Variants in MYO5B observed in about 807,000 individuals in gnomAD.
The protein encoded by MYO5B is unconventional myosin-Vb.
In MYO5B, 143 loss-of-function variants were observed where a neutral mutation model predicts 229.3. That is an observed-to-expected ratio of 0.62 (90% CI 0.54 to 0.72). The LOEUF (loss-of-function observed/expected upper bound fraction) is 0.72. Among genes scored for constraint, MYO5B ranks in the 30% least tolerant of loss-of-function variants. MYO5B has a pLI of 0.00. For missense variants in MYO5B, 2,321 were observed against 2,331.0 expected, an observed-to-expected ratio of 1.00 and a Z score of 0.09; for synonymous variants, 918 against 885.2, an observed-to-expected ratio of 1.04 and a Z score of -0.66.
chr18:49,945,779 A>G (rs1174647244), intron 14 of MYO5B, among the ~76,000 whole-genome samples: 1 of 136,244 alleles, frequency 7.3e-6, no homozygotes, highest in African/African-American at 3.0e-5. Context: ...AGGAGAGGAG[A>G]GCTGGGCCTG....
chr18:50,127,817 G>A (rs1017826612), intron 1 of MYO5B, among the ~76,000 whole-genome samples: 7 of 152,204 alleles, frequency 4.6e-5, no homozygotes, highest in Non-Finnish European at 8.8e-5. Flanking sequence ...GAGTAAAGCA[G>A]GTTGCCCTCC....
intron 1 of MYO5B, among the ~76,000 whole-genome samples, chr18:50,181,709 T>C (rs1421263319): frequency 6.6e-6 from 1 of 152,196 alleles, no homozygotes; most frequent in Non-Finnish European, 1.5e-5. Flanking sequence ...ATGCTGGTCA[T>C]AAAAATCCAT....
chr18:50,154,018 T>G (rs1161796868), intron 1 of MYO5B, among the ~76,000 whole-genome samples: 1 of 152,138 alleles, frequency 6.6e-6, no homozygotes, highest in Admixed American at 6.5e-5. Context: ...CCATTAGACT[T>G]CCTGGGCTCT....
Position 49,869,846 on chromosome 18 carries a change from C to T in MYO5B, c.3603+2321G>A, listed in dbSNP as rs183277617. 5.9e-5 allele frequency among the ~76,000 whole-genome samples: 9 copies of T among 152,218 alleles called. No individual in the cohort carries two copies. In the East Asian group the frequency reaches 1.7e-3, roughly 29 times the overall value. On this transcript the variant is annotated intron_variant, in intron 27 of 39. Coordinates refer to ENST00000285039, the MANE Select transcript of MYO5B (RefSeq NM_001080467.3). ...TGGGGTACCTGAGAATCTACATTTC[C>T]AGCAAGCTCAGTGATGCTGATGCCA...
chr18:50,104,519 G>T (rs912319196), intron 1 of MYO5B, among the ~76,000 whole-genome samples: 3 of 140,886 alleles, frequency 2.1e-5, no homozygotes, highest in African/African-American at 5.7e-5. Context: ...TCATACAATT[G>T]TTCACTGTCA....
chr18:50,133,639 A>G (rs1029414663), intron 1 of MYO5B, among the ~76,000 whole-genome samples: 1 of 152,148 alleles, frequency 6.6e-6, no homozygotes, highest in Non-Finnish European at 1.5e-5. Flanking sequence ...CTGTCCTGGT[A>G]TATTACACTC....
intron 10 of MYO5B, among the ~76,000 whole-genome samples, chr18:49,972,838 C>G (rs1477871068): frequency 1.3e-5 from 2 of 152,010 alleles, no homozygotes; most frequent in Non-Finnish European, 2.9e-5. Flanking sequence ...TGGGGTCATG[C>G]AACTGAAGGC....
At chr18:50,115,656 T>C (rs2031949146) in intron 1 of MYO5B, among the ~76,000 whole-genome samples, 1 of 152,020 alleles carries the variant, frequency 6.6e-6, no homozygotes, top group African/African-American at 2.4e-5. Flanking sequence ...GGGAGTCTAA[T>C]GATTAGTATG....
chr18:49,832,611 A>G (rs1042814515), intron 39 of MYO5B, among the ~76,000 whole-genome samples: 3 of 152,246 alleles, frequency 2.0e-5, no homozygotes, highest in Admixed American at 2.0e-4. Flanking sequence ...TGGCACTGTA[A>G]GATGGCTCTA....
intron 4 of MYO5B, among the ~76,000 whole-genome samples, chr18:50,035,329 C>A (rs574892704): frequency 1.7e-4 from 26 of 152,338 alleles, no homozygotes; most frequent in African/African-American, 6.3e-4. Context: ...AGAGCGCTGT[C>A]AGAGCTGTTG....
chr18:50,038,795 C>T (rs970805760), intron 3 of MYO5B, among the ~76,000 whole-genome samples: 8 of 152,162 alleles, frequency 5.3e-5, no homozygotes, highest in African/African-American at 1.9e-4. Flanking sequence ...ACCTGATGGT[C>T]ACTTATCTTT....
chr18:49,921,367 G>A (rs1022094104), intron 17 of MYO5B, among the ~76,000 whole-genome samples: 2 of 150,546 alleles, frequency 1.3e-5, no homozygotes, highest in Admixed American at 6.7e-5. Context: ...AGGACACAAA[G>A]CTGCTGACTC....
At chr18:50,122,602 G>A in intron 1 of MYO5B, among the ~76,000 whole-genome samples, 1 of 90,860 alleles carries the variant, frequency 1.1e-5, no homozygotes, top group Non-Finnish European at 2.3e-5. Flanking sequence ...GGGGGAGAGA[G>A]AGAGAAAGAG....
At chr18:49,849,752 CG>C (rs2024175961) in intron 31 of MYO5B, 92 bp from the exon 32 acceptor site, 2 of 985,162 alleles carry the variant, frequency 2.0e-6, no homozygotes, top group Non-Finnish European at 3.2e-6. Context: ...GTGACCAGTG[CG>C]GCCCATGGGC....
Position 50,048,529 on chromosome 18 carries a change from T to C in MYO5B, c.138+6739A>G, listed in dbSNP as rs549725185. ...AAGAGAAGGGCACAGCAAACTCCTG[T>C]GGGTTCGTCTCTCCTTCCACCTGAA... On this transcript the variant is annotated intron_variant, in intron 2 of 39. Transcript: ENST00000285039. Among the ~76,000 whole-genome samples the C allele has an allele frequency of 4.6e-5, 7 of 152,284 alleles. No homozygotes were observed. In the South Asian group the frequency reaches 1.5e-3, roughly 32 times the overall value.
chr18:50,136,208 T>A (rs1234514411), intron 1 of MYO5B, among the ~76,000 whole-genome samples: 3 of 152,218 alleles, frequency 2.0e-5, no homozygotes, highest in Non-Finnish European at 4.4e-5. Flanking sequence ...CAGTATGTAC[T>A]TAGAGAAGCC....
intron 4 of MYO5B, among the ~76,000 whole-genome samples, chr18:50,012,599 C>T (rs1405533469): frequency 6.6e-6 from 1 of 152,188 alleles, no homozygotes; most frequent in Non-Finnish European, 1.5e-5. Flanking sequence ...GATTCAGGTG[C>T]AAATCCTGTT....
chr18:49,894,917 C>T (rs1305458291), intron 22 of MYO5B, 24 bp downstream of exon 22: 7 of 1,603,678 alleles, frequency 4.4e-6, no homozygotes, highest in Non-Finnish European at 6.0e-6. Context: ...CTTGCCAGCG[C>T]CTGCCCCTCT....
intron 1 of MYO5B, among the ~76,000 whole-genome samples, chr18:50,060,126 T>C (rs2030652441): frequency 6.6e-6 from 1 of 152,196 alleles, no homozygotes; most frequent in South Asian, 2.1e-4. Flanking sequence ...CTGAATGTAC[T>C]AAAAGCCAAA....
Sources: allele counts gnomAD v4.1 joint callset (sites outside exome capture counted in the v4.1 genomes callset), GRCh38; gene constraint gnomAD v4.1.1; transcripts MANE v1.5; gene names NCBI Gene and HGNC (gene_info 2026-07-23, HGNC 2026-07-21).